The following SEPTIN2 variants were observed in gnomAD, a reference collection of about 807,000 sequenced individuals.
The protein encoded by SEPTIN2 is septin-2.
SEPTIN2 carries 34 observed loss-of-function variants against 46.5 expected under a neutral mutation model. That is an observed-to-expected ratio of 0.73 (90% CI 0.56 to 0.97). SEPTIN2 has a LOEUF of 0.97. Among genes scored for constraint, SEPTIN2 ranks in the 50% least tolerant of loss-of-function variants. SEPTIN2 has a pLI of 0.00. For synonymous variants in SEPTIN2, 175 were observed against 153.4 expected (o/e 1.14, Z -1.04); for missense variants, 347 against 448.4 (o/e 0.77, Z 2.04).
chr2:241,325,517 G>C (rs553571453), intron 2 of SEPTIN2, among the ~76,000 whole-genome samples: 4 of 151,946 alleles, frequency 2.6e-5, no homozygotes, highest in Admixed American at 6.6e-5. Flanking sequence ...TTTTTTCCTC[G>C]ATACTTTTCA....
At chr2:241,320,224 C>G (rs1249971336) in intron 1 of SEPTIN2, 1 of 470,992 alleles carries the variant, frequency 2.1e-6, no homozygotes, top group East Asian at 6.9e-5. Flanking sequence ...AGTTAAATGA[C>G]TTTGGTCTTG....
intron 3 of SEPTIN2, among the ~76,000 whole-genome samples, chr2:241,332,106 C>T (rs950216342): frequency 6.6e-6 from 1 of 152,022 alleles, no homozygotes; most frequent in African/African-American, 2.4e-5. Flanking sequence ...ATAAAAACTA[C>T]AAGAAAATGG....
intron 12 of SEPTIN2, chr2:241,351,746 C>G (rs541338096): frequency 9.2e-5 from 14 of 152,228 alleles, no homozygotes; most frequent in African/African-American, 3.4e-4. Flanking sequence ...ACTTTTAGAT[C>G]GATAAAATTT....
chr2:241,335,447 G>A lies in SEPTIN2; in HGVS notation c.217+235G>A, dbSNP rs2079792009. The A allele has an allele frequency of 2.5e-5, 27 of 1,088,090 alleles. No individual in the cohort carries two copies. In the South Asian group the frequency reaches 3.6e-4, roughly 15 times the overall value. 67.4% of individuals were successfully genotyped at this position (1,088,090 alleles called of 1,614,324 possible). A position where few individuals can be genotyped will look rare whatever the true frequency, so the allele number is the denominator to read the frequency against. On this transcript the variant is annotated intron_variant, in intron 4 of 12. Transcript: ENST00000391971. Reference sequence around the variant, plus strand: ...CCTCTCTTGAGTTTGTCTGTAAAATGTAATAAGTAGTTTCTGCCTATATTA... The same window carrying A: ...CCTCTCTTGAGTTTGTCTGTAAAATATAATAAGTAGTTTCTGCCTATATTA...
rs2079647223 is a variant in SEPTIN2, at chr2:241,334,812, C to G, written c.131-314C>G. The stretch of plus-strand genomic sequence containing the variant: ...GCATTCTATTTGTCAAAAATAAAAA[C>G]CAACCTCTAAAGTACATTCCTCACA... On this transcript the variant is annotated intron_variant, in intron 3 of 12. Coordinates refer to ENST00000391971, the MANE Select transcript of SEPTIN2 (RefSeq NM_004404.5). 5.3e-5 allele frequency among the ~76,000 whole-genome samples: 8 copies of G among 152,166 alleles called. No individual in the cohort carries two copies. The South Asian group carries it at 1.7e-3, about 32-fold the overall frequency.
Position 241,353,562 on chromosome 2 carries a change from A to T in SEPTIN2, c.*1625A>T, listed in dbSNP as rs1385206047. The stretch of plus-strand genomic sequence containing the variant: ...CAGAAAATAATCTGGTGTTCTTGCT[A>T]ACTTTGCCCTTCACTGTTGCTTAAT... On this transcript the variant is annotated 3_prime_UTR_variant, in exon 13 of 13. Transcript: ENST00000391971. The T allele has an allele frequency of 6.6e-6, 1 of 152,246 alleles. No individual in the cohort carries two copies. The highest frequency in any genetic ancestry group is 1.5e-5 in the Non-Finnish European group (1 of 68,046). 9.4% of individuals were successfully genotyped at this position (152,246 alleles called of 1,614,324 possible). A position where few individuals can be genotyped will look rare whatever the true frequency, so the allele number is the denominator to read the frequency against.
At chr2:241,324,173 T>A (rs528355923) in intron 1 of SEPTIN2, 43 bp from the exon 2 acceptor site, 77 of 1,578,272 alleles carry the variant, frequency 4.9e-5, no homozygotes, top group Non-Finnish European at 6.4e-5. Context: ...ATACATACTA[T>A]GTATGTGCGT....
intron 8 of SEPTIN2, among the ~76,000 whole-genome samples, chr2:241,343,512 T>C (rs996716549): frequency 1.3e-5 from 2 of 151,880 alleles, no homozygotes; most frequent in Non-Finnish European, 2.9e-5. Flanking sequence ...AAAAAAAAAA[T>C]TTGATACAGC....
chr2:241,337,042 C>T (rs1014487652), intron 5 of SEPTIN2: 7 of 167,300 alleles, frequency 4.2e-5, no homozygotes, highest in Non-Finnish European at 7.6e-5. Context: ...TGCAGTGAGC[C>T]GAGATCACGC....
At position 241,343,857 on chromosome 2, in the gene SEPTIN2, C is replaced by G. The variant is rs1444254546; in HGVS notation, c.802C>G (p.Pro268Ala). 3 of 1,614,036 alleles carry G rather than the reference C, an allele frequency of 1.9e-6. No homozygotes were observed. The highest frequency in any genetic ancestry group is 2.5e-6 in the Non-Finnish European group (3 of 1,180,038). The change falls in exon 9 of 13, where the codon CCA becomes GCA. Residue 268 changes from proline to alanine, a missense_variant. Physicochemically the swap from Pro to Ala is conservative, Grantham distance 27. Transcript: ENST00000391971. ...CTGGGGTGTTGTGGAAGTGGAGAAC[C>G]CAGAGCACAATGACTTTCTGAAGCT... ...YPWGVVEVENPEHNDFLKLRT... is the reference protein window; with the variant it reads ...YPWGVVEVENAEHNDFLKLRT...
intron 1 of SEPTIN2, chr2:241,317,532 G>A: frequency 1.0e-6 from 1 of 972,592 alleles, no homozygotes; most frequent in Non-Finnish European, 1.2e-6. Flanking sequence ...AGAAGTTGTG[G>A]GTATTTTTTT....
chr2:241,343,186 C>A, intron 8 of SEPTIN2, 93 bp downstream of exon 8: 1 of 755,450 alleles, frequency 1.3e-6, no homozygotes, highest in East Asian at 2.5e-5. Context: ...TGTTCAGTTA[C>A]GAGAGTATTT....
At chr2:241,349,404 A>ATG (rs1013466975) in intron 11 of SEPTIN2, among the ~76,000 whole-genome samples, 21 of 150,648 alleles carry the variant, frequency 1.4e-4, no homozygotes, top group African/African-American at 4.4e-4. Flanking sequence ...ATGTATATGT[A>ATG]TGTATATATA....
At chr2:241,322,131 A>C (rs2077215614) in intron 1 of SEPTIN2, among the ~76,000 whole-genome samples, 2 of 152,168 alleles carry the variant, frequency 1.3e-5, no homozygotes, top group South Asian at 4.1e-4. Flanking sequence ...GTATTCAGGA[A>C]GTTAAGATTT....
At chr2:241,339,839 C>G (rs1000616658) in intron 7 of SEPTIN2, among the ~76,000 whole-genome samples, 1 of 152,182 alleles carries the variant, frequency 6.6e-6, no homozygotes, top group South Asian at 2.1e-4. Flanking sequence ...GCACTCCCCC[C>G]ACACTGCATA....
chr2:241,335,233 C>T, intron 4 of SEPTIN2, 21 bp downstream of exon 4: 1 of 1,607,450 alleles, frequency 6.2e-7, no homozygotes, highest in Non-Finnish European at 8.5e-7. Flanking sequence ...TCTTATGTTA[C>T]TGTAAGTGTA....
intron 1 of SEPTIN2, chr2:241,318,095 A>G (rs2076632442): frequency 6.6e-6 from 1 of 151,960 alleles, no homozygotes; most frequent in African/African-American, 2.4e-5. Context: ...ATGAGAGAAA[A>G]CATTGTGGAT....
chr2:241,333,567 T>C (rs2079385279), intron 3 of SEPTIN2, among the ~76,000 whole-genome samples: 1 of 152,218 alleles, frequency 6.6e-6, no homozygotes, highest in Non-Finnish European at 1.5e-5. Flanking sequence ...TGGAGTGCAG[T>C]GGTGCGATCT....
intron 8 of SEPTIN2, among the ~76,000 whole-genome samples, chr2:241,343,476 C>T (rs545124318): frequency 2.6e-5 from 4 of 150,994 alleles, no homozygotes; most frequent in East Asian, 1.9e-4. Context: ...TCTAGCCTGG[C>T]GACAGAGCAA....
Sources: gnomAD v4.1 joint callset for allele counts (sites outside exome capture counted in the v4.1 genomes callset) on GRCh38, gnomAD v4.1.1 for gene constraint, MANE v1.5 for transcripts, NCBI Gene and HGNC (gene_info 2026-07-23, HGNC 2026-07-21) for gene names.